FABP7: variants seen among roughly 807,000 people sequenced by gnomAD.
FABP7 encodes fatty acid-binding protein, brain.
Under a neutral mutation model 14.2 loss-of-function variants are expected in FABP7, and 13 were observed. The observed-to-expected ratio is 0.91, with a 90% CI of 0.59 to 1.45. FABP7 has a LOEUF of 1.45. Ranked by LOEUF, FABP7 falls within the 40% of genes most tolerant of loss-of-function variation. The probability of loss-of-function intolerance (pLI) is 0.00; values close to 1 mark genes in which losing one functional copy is unlikely to be tolerated. For synonymous variants in FABP7, 49 were observed against 51.4 expected (o/e 0.95, Z 0.20); for missense variants, 149 against 157.6 (o/e 0.95, Z 0.29).
At chr6:122,766,247 G>T in the FABP7 span, among the ~76,000 whole-genome samples, 6 of 152,096 alleles carry the variant, frequency 3.9e-5, no homozygotes, top group Admixed American at 2.6e-4. Flanking sequence ...GCTGCTTCAA[G>T]TGGTTTTTAA....
upstream of FABP7, among the ~76,000 whole-genome samples, chr6:122,778,924 A>G (rs1162764325): frequency 6.6e-6 from 1 of 152,182 alleles, no homozygotes; most frequent in East Asian, 1.9e-4. Flanking sequence ...CTATTCAAGG[A>G]GATCGGGGGG....
At chr6:122,779,018 C>T (rs920609497), upstream of FABP7, among the ~76,000 whole-genome samples, 2 of 152,122 alleles carry the variant, frequency 1.3e-5, no homozygotes, top group South Asian at 4.2e-4. Flanking sequence ...AACTCAGTCT[C>T]GTTCTCACAT....
chr6:122,783,358 G>C, intron 3 of FABP7: 2 of 984,798 alleles, frequency 2.0e-6, no homozygotes, highest in Non-Finnish European at 2.4e-6. Flanking sequence ...ATTGAAAACT[G>C]TTATGTAAAC....
At chr6:122,758,696 G>C in the FABP7 span, among the ~76,000 whole-genome samples, 6 of 152,224 alleles carry the variant, frequency 3.9e-5, no homozygotes, top group African/African-American at 1.2e-4. Flanking sequence ...ACAGTATTAT[G>C]AAGCCATCTA....
chr6:122,772,826 C>T, the FABP7 span, among the ~76,000 whole-genome samples: 1 of 152,156 alleles, frequency 6.6e-6, no homozygotes, highest in Non-Finnish European at 1.5e-5. Flanking sequence ...CATCAAATTC[C>T]ATTACTGATA....
the FABP7 span, among the ~76,000 whole-genome samples, chr6:122,750,406 A>T: frequency 0.047 from 7,213 of 152,258 alleles, 191 homozygotes; most frequent in East Asian, 0.11. Context: ...AGAAAAACAC[A>T]TTTTATGTAA....
At chr6:122,754,570 C>T in the FABP7 span, among the ~76,000 whole-genome samples, 1 of 151,962 alleles carries the variant, frequency 6.6e-6, no homozygotes, top group African/African-American at 2.4e-5. Context: ...AAAACATTCG[C>T]TTTAAAACTC....
upstream of FABP7, among the ~76,000 whole-genome samples, chr6:122,778,147 TCAGTTGC>T (rs1780706401): frequency 6.6e-6 from 1 of 152,188 alleles, no homozygotes; most frequent in Non-Finnish European, 1.5e-5. Flanking sequence ...TCCCTGGGCC[TCAGTTGC>T]TCATATTGGT....
rs1377389498 is a variant in FABP7, at chr6:122,784,050, T to C, written c.*283T>C. 9 of 292,994 alleles carry C rather than the reference T, an allele frequency of 3.1e-5. No individual in the cohort carries two copies. The allele number at this position is 292,994 out of a possible 1,614,324, so 18.1% of individuals were successfully genotyped here. On this transcript the variant is annotated 3_prime_UTR_variant, in exon 4 of 4. Transcript: ENST00000368444. ...ATTTCTTTTGGAATGTAAATCAAAT[T>C]TGAATAAAAATCTTACACGTGAAAT...
chr6:122,767,195 A>G, the FABP7 span, among the ~76,000 whole-genome samples: 1 of 152,162 alleles, frequency 6.6e-6, no homozygotes, highest in African/African-American at 2.4e-5. Flanking sequence ...AATATATAAA[A>G]TAGATATGAT....
chr6:122,755,825 C>A, the FABP7 span, among the ~76,000 whole-genome samples: 1 of 151,968 alleles, frequency 6.6e-6, no homozygotes, highest in Non-Finnish European at 1.5e-5. Flanking sequence ...GACCAGCAGA[C>A]CCCAGCCAAA....
the FABP7 span, among the ~76,000 whole-genome samples, chr6:122,756,417 A>G: frequency 6.6e-6 from 1 of 152,210 alleles, no homozygotes; most frequent in Admixed American, 6.5e-5. Context: ...TCTAATTTCA[A>G]TGAGAAAATA....
chr6:122,753,347 C>T, the FABP7 span, among the ~76,000 whole-genome samples: 2 of 152,174 alleles, frequency 1.3e-5, no homozygotes, highest in Non-Finnish European at 2.9e-5. Flanking sequence ...GCTCTGCTGC[C>T]TCTTGTTTCT....
At chr6:122,767,986 G>C in the FABP7 span, among the ~76,000 whole-genome samples, 3 of 152,110 alleles carry the variant, frequency 2.0e-5, no homozygotes, top group East Asian at 5.8e-4. Context: ...ATATATTCAT[G>C]ACTCCCACAC....
chr6:122,776,432 T>C (rs1261956679), upstream of FABP7, among the ~76,000 whole-genome samples: 1 of 152,008 alleles, frequency 6.6e-6, no homozygotes, highest in African/African-American at 2.4e-5. Context: ...AAGAGAAATA[T>C]CACTTTTTAA....
At chr6:122,781,239 T>C (rs1780775330) in intron 3 of FABP7, 45 bp downstream of exon 3, 4 of 1,599,048 alleles carry the variant, frequency 2.5e-6, no homozygotes, top group Non-Finnish European at 8.6e-7. Flanking sequence ...TTTTCTCCTC[T>C]CCGCACACCT....
chr6:122,781,321 C>G (rs945383276), intron 3 of FABP7, 127 bp downstream of exon 3: 1 of 1,548,954 alleles, frequency 6.5e-7, no homozygotes, highest in Admixed American at 2.0e-5. Context: ...TAATACATCA[C>G]TGGCAAGGTT....
At chr6:122,775,488 TCTCA>T (rs1172191890), upstream of FABP7, among the ~76,000 whole-genome samples, 1 of 152,116 alleles carries the variant, frequency 6.6e-6, no homozygotes, top group Non-Finnish European at 1.5e-5. Context: ...GACCCCTATC[TCTCA>T]CTGTGTGTGA....
chr6:122,754,844 C>A, the FABP7 span, among the ~76,000 whole-genome samples: 5 of 152,168 alleles, frequency 3.3e-5, no homozygotes, highest in South Asian at 1.0e-3. Context: ...GCCCTCGCAC[C>A]CACACAGAAG....
Sources: gnomAD v4.1 joint callset for allele counts (sites outside exome capture counted in the v4.1 genomes callset) on GRCh38, gnomAD v4.1.1 for gene constraint, MANE v1.5 for transcripts, NCBI Gene and HGNC (gene_info 2026-07-23, HGNC 2026-07-21) for gene names.